Variants in OSBPL7 observed in about 807,000 individuals in gnomAD.
OSBPL7 encodes the protein oxysterol-binding protein-related protein 7.
Under a neutral mutation model 115.8 loss-of-function variants are expected in OSBPL7, and 66 were observed. The observed-to-expected ratio is 0.57, with a 90% CI of 0.47 to 0.70. The LOEUF is 0.70. Ranked by LOEUF, OSBPL7 falls within the 30% of genes least tolerant of loss-of-function variation. The probability of loss-of-function intolerance (pLI) is 0.00; values close to 1 mark genes in which losing one functional copy is unlikely to be tolerated. For synonymous variants in OSBPL7, 441 were observed against 439.2 expected (o/e 1.00, Z -0.05); for missense variants, 902 against 1,125.5 (o/e 0.80, Z 2.84).
In OSBPL7 at chr17:47,810,813, G is replaced by C; in HGVS notation, c.1760C>G (p.Ser587Trp). The C allele has an allele frequency of 6.2e-7, 1 of 1,613,848 alleles. No homozygotes were observed. Among genetic ancestry groups the C allele is most frequent in the East Asian group, 2.2e-5 (1 of 44,882 alleles). ...SEQVSHHPPISACHAESENFA... is the reference protein window; with the variant it reads ...SEQVSHHPPIWACHAESENFA... ...GTTCTCAGACTCTGCATGGCAGGCC[G>C]AGATAGGGGGGTGGTGGGAGACCTT... Residue 587 changes from serine (S) to tryptophan (W), a missense_variant, in exon 17 of 23, where the codon TCG becomes TGG. Transcript: ENST00000007414.
In OSBPL7 at chr17:47,809,215, C is replaced by T; in HGVS notation, c.2031G>A (p.Lys677=). ...CHCKITFCKA[K]YWSSNVHEVQ... ...CCTCGTGGACATTGGAACTCCAGTA[C>T]TTGGCCTGGGGTGGGGAAGGCAGGG... Residue 677 remains lysine (K), a synonymous_variant, in exon 20 of 23, where the codon AAG becomes AAA. Coordinates refer to ENST00000007414, the MANE Select transcript of OSBPL7 (RefSeq NM_145798.3). 6.2e-7 allele frequency: 1 copy of T among 1,614,152 alleles called. No homozygotes were observed. Among genetic ancestry groups the T allele is most frequent in the African/African-American group, 1.3e-5 (1 of 75,054 alleles).
At chr17:47,813,945 G>A (rs766503510) in intron 14 of OSBPL7, 111 bp from the exon 15 acceptor site, 13 of 1,361,690 alleles carry the variant, frequency 9.5e-6, no homozygotes, top group South Asian at 1.5e-5. Flanking sequence ...TGGGACATTC[G>A]CCCCTGAGCC....
chr17:47,808,699 G>T lies in OSBPL7; in HGVS notation c.2298-39C>A, dbSNP rs759913053. The stretch of plus-strand genomic sequence containing the variant: ...TCAAACTCAGGGGAACTGCCCATCT[G>T]CAGGGGCCCCCAAACCCAAGGCCTC... On this transcript the variant is annotated intron_variant, in intron 21 of 22. Transcript: ENST00000007414. The surrounding 1 kb of genome is among the most constrained non-coding windows in gnomAD (Gnocchi z 6.1). 1.2e-6 allele frequency: 2 copies of T among 1,612,286 alleles called. No homozygotes were observed. The highest frequency in any genetic ancestry group is 1.1e-5 in the South Asian group (1 of 90,992).
intron 3 of OSBPL7, 59 bp downstream of exon 3, chr17:47,819,912 G>C (rs2033343496): frequency 6.7e-7 from 1 of 1,485,446 alleles, no homozygotes; most frequent in Non-Finnish European, 9.3e-7. Context: ...CCCAGCAGCT[G>C]CCCCCCATTC....
Position 47,808,477 on chromosome 17 carries a change from C to A in OSBPL7, c.2420+61G>T, listed in dbSNP as rs375013942. 8 of 1,613,888 alleles carry A rather than the reference C, an allele frequency of 5.0e-6. No homozygotes were observed. The African/African-American group carries it at 5.3e-5, about 11-fold the overall frequency. On this transcript the variant is annotated intron_variant, in intron 22 of 22. Transcript: ENST00000007414. The surrounding 1 kb of genome is among the most constrained non-coding windows in gnomAD (Gnocchi z 6.1). Reference sequence around the variant, plus strand: ...GGGTCCTAAGGTGCTGCCTCCCACACCTGCCCTGCTCCAAGCAGGGCTCAT... The same window carrying A: ...GGGTCCTAAGGTGCTGCCTCCCACAACTGCCCTGCTCCAAGCAGGGCTCAT...
At position 47,809,525 on chromosome 17, in the gene OSBPL7, C is replaced by A. The variant is rs780133337; in HGVS notation, c.1881-47G>T. 5 of 1,585,604 alleles carry A rather than the reference C, an allele frequency of 3.2e-6. No individual in the cohort carries two copies. The South Asian group carries it at 5.6e-5, about 18-fold the overall frequency. On this transcript the variant is annotated intron_variant, in intron 18 of 22. Transcript: ENST00000007414. ...AGGGCAGCTGGCTGGCCCCAGGGAACAAGTGAGTCAGGGGCCTCCTGTCTT... is the reference window on the plus strand; with the variant it reads ...AGGGCAGCTGGCTGGCCCCAGGGAAAAAGTGAGTCAGGGGCCTCCTGTCTT...
chr17:47,808,978 G>C lies in OSBPL7; in HGVS notation c.2183C>G (p.Pro728Arg). The C allele has an allele frequency of 6.2e-7, 1 of 1,614,152 alleles. No individual in the cohort carries two copies. The highest frequency in any genetic ancestry group is 8.5e-7 in the Non-Finnish European group (1 of 1,180,032). ...GAAGCCGAAGTTTCGCTCATGGTCG[G>C]GGGGCATTGAGTCTGGGGGAAGGCA... is the stretch of plus-strand genomic sequence containing the variant. ...QCIWKPNSMP[P>R]DHERNFGFTQ... The change falls in exon 21 of 23, where the codon CCC becomes CGC. Residue 728 changes from proline (P) to arginine (R), a missense_variant. Transcript: ENST00000007414. This position sits in a 1 kb window ranked among gnomAD's most constrained non-coding sequence, Gnocchi z 6.1.
rs753376349 is a variant in OSBPL7, at chr17:47,810,606, A to C, written c.1868T>G (p.Val623Gly). 1.2e-6 allele frequency: 2 copies of C among 1,614,056 alleles called. No individual in the cohort carries two copies. The highest frequency in any genetic ancestry group is 1.7e-6 in the Non-Finnish European group (2 of 1,179,930). ...CTAAGAATCCCACCTGGGCAGGCTG[A>C]CGTTGACTGTTCCCACAGGCACAAT... is the stretch of plus-strand genomic sequence containing the variant. ...LEIVPVGTVN[V>G]SLPRFGDHFE... The change falls in exon 18 of 23, where the codon GTC becomes GGC. Residue 623 changes from valine to glycine, a missense_variant. Val to Gly is a moderately radical substitution (Grantham distance 109, BLOSUM62 -3). Transcript: ENST00000007414.
Position 47,816,469 on chromosome 17 carries a change from G to A in OSBPL7, c.942C>T (p.Leu314=). 6.5e-7 allele frequency: 1 copy of A among 1,545,592 alleles called. No homozygotes were observed. Residue 314 remains leucine, a synonymous_variant, in exon 11 of 23, where the codon CTC becomes CTT. Transcript: ENST00000007414. This position sits in a 1 kb window ranked among gnomAD's most constrained non-coding sequence, Gnocchi z 5.8. ...WALAQKVHSS[L]SSVLAALTME... is the part of the protein sequence containing the mutation. ...TGGTGAGGGCGGCCAGGACGCTGCT[G>A]AGGGAGCTGTGCACTACAGGGAGTG... is the stretch of plus-strand genomic sequence containing the variant.
chr17:47,812,060 A>AAACTGCCTCGACCTTTATCCCCCACC (rs2063362337), intron 16 of OSBPL7, among the ~76,000 whole-genome samples: 3 of 152,116 alleles, frequency 2.0e-5, no homozygotes, highest in Non-Finnish European at 2.9e-5. Context: ...ACAAACACAC[A>AAACTGCCTCGACCTTTATCCCCCACC]AACTGCCTCG....
chr17:47,818,975 A>C lies in OSBPL7; in HGVS notation c.369+11T>G. On this transcript the variant is annotated intron_variant, in intron 5 of 22. Coordinates refer to ENST00000007414, the MANE Select transcript of OSBPL7 (RefSeq NM_145798.3). ...GGGGCCAACACACGTCCTGCCTCCC[A>C]GGGATGTCACCTTGAGGTGGTAGAT... The C allele has an allele frequency of 6.2e-7, 1 of 1,611,570 alleles. No homozygotes were observed. Among genetic ancestry groups the C allele is most frequent in the Non-Finnish European group, 8.5e-7 (1 of 1,177,702 alleles).
In OSBPL7 at chr17:47,813,772, C is replaced by T. The variant is rs151320863; in HGVS notation, c.1414G>A (p.Gly472Arg). 1.6e-4 allele frequency: 260 copies of T among 1,612,922 alleles called. No individual in the cohort carries two copies. Among genetic ancestry groups the T allele is most frequent in the Non-Finnish European group, 1.9e-4 (226 of 1,179,896 alleles). ...CACAGGCTCACGTCAGCCCCAGGCC[C>T]GCTGGCCGCCGGCAGGCAGCGACGG... Reference protein sequence around the residue: ...PRRRCLPAASGPGADVSLWNI... With the variant: ...PRRRCLPAASRPGADVSLWNI... Residue 472 changes from glycine (G) to arginine (R), a missense_variant, in exon 15 of 23, where the codon GGG becomes AGG. By Grantham distance (125) the Gly-to-Arg change is moderately radical. Coordinates refer to ENST00000007414, the MANE Select transcript of OSBPL7 (RefSeq NM_145798.3).
intron 18 of OSBPL7, among the ~76,000 whole-genome samples, chr17:47,810,186 T>C (rs911097898): frequency 6.6e-6 from 1 of 152,226 alleles, no homozygotes; most frequent in African/African-American, 2.4e-5. Flanking sequence ...TTCAGACCTC[T>C]GCCTGTAAAA....
chr17:47,814,785 G>T, intron 13 of OSBPL7, 171 bp from the exon 14 acceptor site: 1 of 635,946 alleles, frequency 1.6e-6, no homozygotes, highest in Non-Finnish European at 2.7e-6. Context: ...CTGGCATCAC[G>T]GAGTGTGCCC....
Position 47,813,342 on chromosome 17 carries a change from T to C in OSBPL7, c.1661A>G (p.Lys554Arg). 1 of 1,614,058 alleles carries C rather than the reference T, an allele frequency of 6.2e-7. No individual in the cohort carries two copies. Among genetic ancestry groups the C allele is most frequent in the East Asian group, 2.2e-5 (1 of 44,878 alleles). Reference sequence around the variant, plus strand: ...CTCCCCCAGGACAGGGTTGAAGGGCTTGCAGCCGGCTCGGTGGTATGTGGA... The same window carrying C: ...CTCCCCCAGGACAGGGTTGAAGGGCCTGCAGCCGGCTCGGTGGTATGTGGA... Reference protein sequence around the residue: ...YSSTYHRAGCKPFNPVLGETY... With the variant: ...YSSTYHRAGCRPFNPVLGETY... The change falls in exon 16 of 23, where the codon AAG (lysine) becomes AGG (arginine). Residue 554 changes from lysine to arginine, a missense_variant. This residue lies in a region of OSBPL7 where 667 missense variants were observed against 788.7 expected (regional missense o/e 0.85). Transcript: ENST00000007414.
In OSBPL7 at chr17:47,808,407, G is replaced by A. The variant is rs536243980; in HGVS notation, c.2421-8C>T. 6.2e-7 allele frequency: 1 copy of A among 1,614,018 alleles called. No homozygotes were observed. The highest frequency in any genetic ancestry group is 1.1e-5 in the South Asian group (1 of 91,082). On this transcript the variant is annotated splice_region_variant and splice_polypyrimidine_tract_variant and intron_variant, in intron 22 of 22. Coordinates refer to ENST00000007414, the MANE Select transcript of OSBPL7 (RefSeq NM_145798.3). This position sits in a 1 kb window ranked among gnomAD's most constrained non-coding sequence, Gnocchi z 6.1. ...CTGCTATCCGTCTGCCGCCTGGTGG[G>A]AGAAGGCGGTGGCAGTGAGGGGTGA...
intron 13 of OSBPL7, 36 bp from the exon 14 acceptor site, chr17:47,814,650 G>A: frequency 6.3e-7 from 1 of 1,596,822 alleles, no homozygotes; most frequent in Non-Finnish European, 8.6e-7. Context: ...GGCAGACTGG[G>A]CCTCCCCCGG....
At chr17:47,817,555 A>G (rs568017277) in intron 7 of OSBPL7, among the ~76,000 whole-genome samples, 196 bp from the exon 8 acceptor site, 63 of 151,914 alleles carry the variant, frequency 4.1e-4, no homozygotes, top group Admixed American at 3.9e-4. Context: ...ATGCCTGGCT[A>G]ATTTGTTGTA....
Position 47,816,082 on chromosome 17 carries a change from C to T in OSBPL7, c.1119+25G>A. 6.5e-7 allele frequency: 1 copy of T among 1,533,712 alleles called. No homozygotes were observed. The highest frequency in any genetic ancestry group is 8.8e-7 in the Non-Finnish European group (1 of 1,136,564). On this transcript the variant is annotated intron_variant, in intron 12 of 22. Coordinates refer to ENST00000007414, the MANE Select transcript of OSBPL7 (RefSeq NM_145798.3). This position sits in a 1 kb window ranked among gnomAD's most constrained non-coding sequence, Gnocchi z 5.8. ...GAGAGAAGGCACAGGAGAATCGGCC[C>T]CCACAGCCCACCCTGGCTCCTCACC...
Sources: allele counts gnomAD v4.1 joint callset (sites outside exome capture counted in the v4.1 genomes callset), GRCh38; gene constraint gnomAD v4.1.1; regional missense constraint gnomAD v4.1.1; non-coding constraint Gnocchi (gnomAD v3.1); transcripts MANE v1.5; gene names NCBI Gene and HGNC (gene_info 2026-07-23, HGNC 2026-07-21).